The following THADA variants were observed in gnomAD, a reference collection of about 807,000 sequenced individuals.
THADA encodes tRNA (32-2'-O)-methyltransferase regulator THADA.
A neutral mutation model predicts 219.8 loss-of-function variants in THADA; 213 were observed. The observed-to-expected ratio is 0.97, with a 90% CI of 0.87 to 1.09. The LOEUF (loss-of-function observed/expected upper bound fraction) is 1.09, where lower values mean the gene tolerates loss of function less well. Among genes scored for constraint, THADA ranks in the 50% least tolerant of loss-of-function variants. THADA has a pLI of 0.00. For synonymous variants in THADA, 1,018 were observed against 828.9 expected (o/e 1.23, Z -3.92); for missense variants, 2,956 against 2,311.3 (o/e 1.28, Z -5.72).
At chr2:43,293,689 G>T (rs918041865) in intron 31 of THADA, among the ~76,000 whole-genome samples, 1 of 152,148 alleles carries the variant, frequency 6.6e-6, no homozygotes, top group African/African-American at 2.4e-5. Context: ...AGTTCTTTTT[G>T]TGTTTCTACT....
intron 22 of THADA, among the ~76,000 whole-genome samples, chr2:43,514,756 T>TA (rs1691086166): frequency 1.4e-5 from 1 of 71,394 alleles, no homozygotes; most frequent in African/African-American, 7.1e-5. Flanking sequence ...ATATTTTATA[T>TA]ATAATATGTA....
At chr2:43,428,992 T>C (rs1480916270) in intron 27 of THADA, among the ~76,000 whole-genome samples, 1 of 152,220 alleles carries the variant, frequency 6.6e-6, no homozygotes, top group Admixed American at 6.5e-5. Context: ...TATTTTCTAA[T>C]TATAAACAAT....
At chr2:43,588,873 C>A (rs1701266503) in intron 4 of THADA, among the ~76,000 whole-genome samples, 1 of 151,852 alleles carries the variant, frequency 6.6e-6, no homozygotes, top group Admixed American at 6.6e-5. Context: ...AATATCACTG[C>A]AATGGGGAAG....
intron 28 of THADA, among the ~76,000 whole-genome samples, chr2:43,407,854 T>C (rs1365141881): frequency 2.6e-5 from 4 of 152,118 alleles, no homozygotes; most frequent in African/African-American, 9.7e-5. Context: ...AGATAGTCTA[T>C]GGGAACATAA....
intron 26 of THADA, among the ~76,000 whole-genome samples, chr2:43,435,781 CAAAA>C (rs542080356): frequency 1.7e-4 from 9 of 53,818 alleles, no homozygotes; most frequent in African/African-American, 2.7e-4. Context: ...AACTTGCCAC[CAAAA>C]AAAAAAAAAA....
At chr2:43,556,645 T>C in intron 16 of THADA, 90 bp from the exon 17 acceptor site, 1 of 1,244,258 alleles carries the variant, frequency 8.0e-7, no homozygotes. Flanking sequence ...AGCCTGGAGC[T>C]GAGTACAGTG....
At chr2:43,394,259 A>T (rs1673753474) in intron 29 of THADA, among the ~76,000 whole-genome samples, 1 of 152,240 alleles carries the variant, frequency 6.6e-6, no homozygotes, top group African/African-American at 2.4e-5. Context: ...TAAGAAATGA[A>T]TCCCACATGT....
chr2:43,293,927 C>T (rs1015181026), intron 31 of THADA, among the ~76,000 whole-genome samples: 23 of 152,130 alleles, frequency 1.5e-4, no homozygotes, highest in African/African-American at 3.4e-4. Context: ...TGGTTTGACC[C>T]GCAGGACTAT....
intron 19 of THADA, 85 bp from the exon 20 acceptor site, chr2:43,549,453 A>C: frequency 4.6e-6 from 6 of 1,294,728 alleles, no homozygotes; most frequent in Non-Finnish European, 6.3e-6. Flanking sequence ...CAAAAAATCT[A>C]TAATTTTCAA....
chr2:43,474,897 T>C (rs549780006), intron 26 of THADA, among the ~76,000 whole-genome samples: 8 of 152,264 alleles, frequency 5.3e-5, no homozygotes, highest in Non-Finnish European at 1.0e-4. Context: ...CGTCTTCTAC[T>C]AAGCCTGAGC....
intron 36 of THADA, among the ~76,000 whole-genome samples, chr2:43,267,443 G>A (rs924427182): frequency 2.6e-5 from 4 of 152,222 alleles, no homozygotes; most frequent in Non-Finnish European, 4.4e-5. Flanking sequence ...ATTGCGAGAA[G>A]TGAAGTTCCT....
At chr2:43,263,466 C>T (rs1671187922) in intron 36 of THADA, among the ~76,000 whole-genome samples, 1 of 152,116 alleles carries the variant, frequency 6.6e-6, no homozygotes, top group African/African-American at 2.4e-5. Flanking sequence ...GTTCTTATCC[C>T]TTCTTTCCTA....
intron 36 of THADA, among the ~76,000 whole-genome samples, chr2:43,235,339 G>A (rs141719795): frequency 0.1 from 15,544 of 152,134 alleles, 846 homozygotes; most frequent in Admixed American, 0.13. Flanking sequence ...TGTTGCCCAG[G>A]CTGGAGTGCA....
Position 43,232,697 on chromosome 2 carries a change from G to C in THADA, c.5466+16C>G. On this transcript the variant is annotated intron_variant, in intron 37 of 37. Transcript: ENST00000405975. ...CTCCAACCCTGCCTCCTACTCCCCT[G>C]ACACCCCGGGATCACCTGATGCATG... The C allele has an allele frequency of 1.2e-6, 2 of 1,612,882 alleles. No homozygotes were observed. Among genetic ancestry groups the C allele is most frequent in the South Asian group, 2.2e-5 (2 of 90,972 alleles).
intron 36 of THADA, among the ~76,000 whole-genome samples, chr2:43,238,546 A>G (rs975809538): frequency 1.3e-5 from 2 of 152,144 alleles, no homozygotes; most frequent in Non-Finnish European, 1.5e-5. Flanking sequence ...GCCACTTTGG[A>G]AAACAGTCTT....
intron 29 of THADA, among the ~76,000 whole-genome samples, chr2:43,386,931 C>G (rs898372043): frequency 6.6e-6 from 1 of 151,352 alleles, no homozygotes; most frequent in South Asian, 2.1e-4. Context: ...TTACTATCTC[C>G]GTCATGTATG....
chr2:43,537,190 A>G (rs1051179827), intron 21 of THADA, among the ~76,000 whole-genome samples: 1 of 152,212 alleles, frequency 6.6e-6, no homozygotes. Context: ...ATAATTTTCT[A>G]CCACTCAGAT....
intron 26 of THADA, among the ~76,000 whole-genome samples, chr2:43,442,912 G>A (rs1377364589): frequency 1.3e-5 from 2 of 151,992 alleles, no homozygotes; most frequent in Admixed American, 6.6e-5. Context: ...GCTGCCCACC[G>A]CACCCCTCCT....
chr2:43,533,880 CAT>C (rs759626808), intron 21 of THADA, among the ~76,000 whole-genome samples: 19 of 152,156 alleles, frequency 1.2e-4, no homozygotes, highest in Non-Finnish European at 8.8e-5. Flanking sequence ...ACGTTCAGCA[CAT>C]GTCTCCCAGA....
Sources: gnomAD v4.1 joint callset for allele counts (sites outside exome capture counted in the v4.1 genomes callset) on GRCh38, gnomAD v4.1.1 for gene constraint, MANE v1.5 for transcripts, NCBI Gene and HGNC (gene_info 2026-07-23, HGNC 2026-07-21) for gene names.